The following AMOTL2 variants were observed in gnomAD, a reference collection of about 807,000 sequenced individuals.
AMOTL2 encodes the protein angiomotin like 2.
Under a neutral mutation model 78.4 loss-of-function variants are expected in AMOTL2, and 33 were observed. The observed-to-expected ratio is 0.42, with a 90% confidence interval of 0.32 to 0.56. The LOEUF (loss-of-function observed/expected upper bound fraction) is 0.56. AMOTL2 is among the 20% of genes least tolerant of loss of function. AMOTL2 has a pLI of 0.12. For missense variants in AMOTL2, 983 were observed against 1,030.1 expected, an observed-to-expected ratio of 0.95 and a Z score of 0.63; for synonymous variants, 422 against 428.8, an observed-to-expected ratio of 0.98 and a Z score of 0.20.
In AMOTL2 at chr3:134,361,771, C is replaced by T. The variant is rs376696013; in HGVS notation, c.1316G>A (p.Arg439Gln). The T allele has an allele frequency of 1.4e-4, 214 of 1,575,874 alleles. No individual in the cohort carries two copies. Among genetic ancestry groups the T allele is most frequent in the Non-Finnish European group, 1.7e-4 (198 of 1,158,134 alleles). The change falls in exon 6 of 10, where the codon CGA becomes CAA. Residue 439 changes from arginine to glutamine, a missense_variant. Physicochemically the swap from Arg to Gln is conservative, Grantham distance 43. Transcript: ENST00000249883. ...GGCGCCGCGCAGCAGTGCCATCTCT[C>T]GCTCCAGCTTCTCTTGCTCCTGCTG... The part of the protein sequence containing the change: ...EQQQEQEKLE[R>Q]EMALLRGAIE...
At chr3:134,366,453 A>G (rs765204668) in intron 3 of AMOTL2, 26 bp from the exon 4 acceptor site, 1 of 1,602,382 alleles carries the variant, frequency 6.2e-7, no homozygotes, top group Admixed American at 1.7e-5. Context: ...AGCAGAGCTG[A>G]ATGAAGGCGA....
At chr3:134,369,739 G>C (rs1242566756) in intron 2 of AMOTL2, among the ~76,000 whole-genome samples, 1 of 152,232 alleles carries the variant, frequency 6.6e-6, no homozygotes, top group Admixed American at 6.5e-5. Context: ...TGGGCCACCA[G>C]AGGAAGAGTC....
rs1324622305 is a variant in AMOTL2 at position 134,357,068 on chromosome 3, A to G, written c.*637T>C. On this transcript the variant is annotated 3_prime_UTR_variant, in exon 10 of 10. Coordinates refer to ENST00000249883, the MANE Select transcript of AMOTL2 (RefSeq NM_016201.4). ...CCACAAGAAAGGGAATTATATACAAACTGCGCACTGTCTCCCAGTCCACTT... is the reference window on the plus strand; with the variant it reads ...CCACAAGAAAGGGAATTATATACAAGCTGCGCACTGTCTCCCAGTCCACTT... 3.3e-5 allele frequency: 5 copies of G among 153,544 alleles called. No homozygotes were observed. The East Asian group carries it at 9.6e-4, about 30-fold the overall frequency. The allele number at this position is 153,544 out of a possible 1,614,324, so 9.5% of individuals were successfully genotyped here.
At position 134,358,173 on chromosome 3, in the gene AMOTL2, G is replaced by A. The variant is rs112762302; in HGVS notation, c.2284+367C>T. Among the ~76,000 whole-genome samples, 845 of 152,318 alleles carry A rather than the reference G, an allele frequency of 5.5e-3. 8 individuals carry two copies. Among genetic ancestry groups the A allele is most frequent in the African/African-American group, 0.019 (780 of 41,574 alleles). On this transcript the variant is annotated intron_variant, in intron 9 of 9. Coordinates refer to ENST00000249883, the MANE Select transcript of AMOTL2 (RefSeq NM_016201.4). ...TTCTCCTTCCCGGACTCTTTAAACA[G>A]GCTTCCAGAGTGCCATCGGCATGAC...
intron 9 of AMOTL2, among the ~76,000 whole-genome samples, 189 bp from the exon 10 acceptor site, chr3:134,357,952 C>T (rs2017145734): frequency 6.6e-6 from 1 of 152,246 alleles, no homozygotes; most frequent in South Asian, 2.1e-4. Context: ...AGCCCACCAA[C>T]CTCCGATGTG....
At chr3:134,367,394 A>G in intron 3 of AMOTL2, 103 bp downstream of exon 3, 1 of 1,376,054 alleles carries the variant, frequency 7.3e-7, no homozygotes, top group Non-Finnish European at 1.0e-6. Flanking sequence ...ATCCAGCCAA[A>G]CAGTTTTCAG....
At chr3:134,367,267 A>G (rs2017649616) in intron 3 of AMOTL2, among the ~76,000 whole-genome samples, 1 of 152,108 alleles carries the variant, frequency 6.6e-6, no homozygotes, top group South Asian at 2.1e-4. Context: ...CTGGCCAGCA[A>G]CTGTTCATGC....
intron 8 of AMOTL2, 47 bp downstream of exon 8, chr3:134,359,236 C>T (rs772562762): frequency 6.3e-7 from 1 of 1,595,368 alleles, no homozygotes; most frequent in Admixed American, 1.7e-5. Flanking sequence ...TGTTCAGGCC[C>T]AGGAGAAATT....
chr3:134,359,191 A>T, intron 8 of AMOTL2, 92 bp downstream of exon 8: 1 of 1,418,256 alleles, frequency 7.1e-7, no homozygotes, highest in Non-Finnish European at 9.8e-7. Context: ...TGGCTCCTAT[A>T]GCCTCAGTTC....
Position 134,371,498 on chromosome 3 carries a change from G to C in AMOTL2, c.-61-4C>G, listed in dbSNP as rs762209250. 6.3e-7 allele frequency: 1 copy of C among 1,586,776 alleles called. No individual in the cohort carries two copies. The highest frequency in any genetic ancestry group is 1.1e-5 in the South Asian group (1 of 90,810). ...GTGGCACCTGGCCCCAGAGCACCTG[G>C]AGTGGGGTGGGGAGAGAGAGAGAGA... On this transcript the variant is annotated splice_region_variant and splice_polypyrimidine_tract_variant and intron_variant, in intron 1 of 9. Transcript: ENST00000249883.
At chr3:134,372,731 T>A (rs1234267226) in intron 1 of AMOTL2, among the ~76,000 whole-genome samples, 1 of 152,050 alleles carries the variant, frequency 6.6e-6, no homozygotes, top group Non-Finnish European at 1.5e-5. Context: ...GAGAGGGGAC[T>A]GTGAGCCTAA....
At chr3:134,361,046 C>T (rs931755555) in intron 6 of AMOTL2, among the ~76,000 whole-genome samples, 5 of 152,072 alleles carry the variant, frequency 3.3e-5, no homozygotes, top group African/African-American at 7.2e-5. Context: ...TGGTGGCGCA[C>T]GCCTGTAGTC....
chr3:134,374,667 G>A (rs2018023816), upstream of AMOTL2: 3 of 982,914 alleles, frequency 3.1e-6, no homozygotes, highest in East Asian at 1.1e-4. Context: ...GCGCCGGCCC[G>A]GCCCCCGAGC....
chr3:134,359,456 T>C lies in AMOTL2; in HGVS notation c.1931A>G (p.Lys644Arg), dbSNP rs766509546. ...TCTCCTGGAGCGCTGCTGAAGGACCTTGATCACTGCATCCTTCTCCAGGAT... is the reference window on the plus strand; with the variant it reads ...TCTCCTGGAGCGCTGCTGAAGGACCCTGATCACTGCATCCTTCTCCAGGAT... ...AQILEKDAVI[K>R]VLQQRSRRDP... Residue 644 changes from lysine (K) to arginine (R), a missense_variant, in exon 8 of 10, where the codon AAG becomes AGG. By Grantham distance (26) the Lys-to-Arg change is conservative (BLOSUM62 2). Transcript: ENST00000249883. The C allele has an allele frequency of 6.2e-7, 1 of 1,614,036 alleles. No individual in the cohort carries two copies. Among genetic ancestry groups the C allele is most frequent in the African/African-American group, 1.3e-5 (1 of 74,946 alleles).
chr3:134,361,697 T>C lies in AMOTL2; in HGVS notation c.1390A>G (p.Asn464Asp). 1 of 1,611,214 alleles carries C rather than the reference T, an allele frequency of 6.2e-7. No homozygotes were observed. Among genetic ancestry groups the C allele is most frequent in the Non-Finnish European group, 8.5e-7 (1 of 1,179,678 alleles). Reference protein sequence around the residue: ...RAELLEQALGNAQGRAARAEE... With the variant: ...RAELLEQALGDAQGRAARAEE... ...GCTCGAGCTGCCCGGCCCTGCGCAT[T>C]GCCCAGAGCCTGCTCCAGCAGCTCG... The change falls in exon 6 of 10, where the codon AAT becomes GAT. Residue 464 changes from asparagine to aspartate, a missense_variant. By Grantham distance (23) the Asn-to-Asp change is conservative (BLOSUM62 1). Transcript: ENST00000249883.
chr3:134,373,437 C>A (rs1273747173), intron 1 of AMOTL2: 11 of 982,226 alleles, frequency 1.1e-5, no homozygotes, highest in Non-Finnish European at 1.3e-5. Flanking sequence ...CCCGGCCAAG[C>A]CCCTCAGATT....
At position 134,357,778 on chromosome 3, in the gene AMOTL2, G is replaced by A. The variant is rs368864039; in HGVS notation, c.2285-15C>T. ...AGCTACAGAGTCTGGAGACAGACAA[G>A]AACACAGGCACATGCCAATGAGTGT... On this transcript the variant is annotated splice_polypyrimidine_tract_variant and intron_variant, in intron 9 of 9. Transcript: ENST00000249883. 9 of 1,613,414 alleles carry A rather than the reference G, an allele frequency of 5.6e-6. No homozygotes were observed. The African/African-American group carries it at 8.0e-5, about 14-fold the overall frequency.
At position 134,360,436 on chromosome 3, in the gene AMOTL2, C is replaced by G. The variant is rs147624210; in HGVS notation, c.1576-23G>C. On this transcript the variant is annotated intron_variant, in intron 6 of 9. Coordinates refer to ENST00000249883, the MANE Select transcript of AMOTL2 (RefSeq NM_016201.4). Reference sequence around the variant, plus strand: ...TCTCTGCAGAGCAAGGAGTAGAGACCGTGGTCAAGGGTGCAGGTTGGGGTG... The same window carrying G: ...TCTCTGCAGAGCAAGGAGTAGAGACGGTGGTCAAGGGTGCAGGTTGGGGTG... 2,127 of 1,593,310 alleles carry G rather than the reference C, an allele frequency of 1.3e-3. 6 individuals carry two copies. Among genetic ancestry groups the G allele is most frequent in the Non-Finnish European group, 1.5e-3 (1,718 of 1,169,714 alleles).
chr3:134,366,475 G>A, intron 3 of AMOTL2, 48 bp from the exon 4 acceptor site: 1 of 1,578,102 alleles, frequency 6.3e-7, no homozygotes, highest in Non-Finnish European at 8.6e-7. Context: ...AGCTCCCAGG[G>A]AGTGATTCGA....
Sources: allele counts gnomAD v4.1 joint callset (sites outside exome capture counted in the v4.1 genomes callset), GRCh38; gene constraint gnomAD v4.1.1; transcripts MANE v1.5; gene names NCBI Gene and HGNC (gene_info 2026-07-23, HGNC 2026-07-21).